SAMD11: variants seen among roughly 807,000 people sequenced by gnomAD.
SAMD11 encodes the protein sterile alpha motif domain containing 11.
In SAMD11, 77 loss-of-function variants were observed where a neutral mutation model predicts 64.4. The ratio of observed to expected loss-of-function variants is 1.20; its 90% CI spans 0.99 to 1.44. The LOEUF is 1.44. SAMD11 is among the 40% of genes most tolerant of loss of function. The pLI is 0.00. For missense variants in SAMD11, 1,402 were observed against 943.3 expected (o/e 1.49, Z -6.37); for synonymous variants, 658 against 421.9 (o/e 1.56, Z -6.86).
chr1:935,986 G>A (rs1470546253), intron 5 of SAMD11, 90 bp downstream of exon 5: 10 of 1,404,880 alleles, frequency 7.1e-6, no homozygotes, highest in Non-Finnish European at 9.7e-6. Context: ...GCCTTGGCAG[G>A]CAGCCAGAGA....
In SAMD11 at chr1:926,225, C is replaced by T. The variant is rs116325138; in HGVS notation, c.609+212C>T. On this transcript the variant is annotated intron_variant, in intron 2 of 13. Transcript: ENST00000616016. ...GAGGAGTCCTCGGGCACCCGAGCGC[C>T]CTCCCCGGTGGAGACAGGGGGGCCG... 1.2e-3 allele frequency among the ~76,000 whole-genome samples: 179 copies of T among 152,362 alleles called. No homozygotes were observed. The Middle Eastern group carries it at 0.014, about 12-fold the overall frequency.
Position 942,883 on chromosome 1 carries a change from C to T in SAMD11, c.1878C>T (p.Asp626=), listed in dbSNP as rs760692305. The T allele has an allele frequency of 1.9e-6, 3 of 1,554,840 alleles. No individual in the cohort carries two copies. Among genetic ancestry groups the T allele is most frequent in the South Asian group, 1.2e-5 (1 of 84,436 alleles). Residue 626 remains aspartate, a synonymous_variant, in exon 11 of 14, where the codon GAC becomes GAT. Transcript: ENST00000616016. The stretch of plus-strand genomic sequence containing the variant: ...TCTGGGCACAAGATGGCTCGGAAGA[C>T]GAGCCCCCCAAAGACTCGGACGGAG... ...ARLWAQDGSE[D]EPPKDSDGED...
Position 939,398 on chromosome 1 carries a change from G to GC in SAMD11, c.1183dup (p.Leu395ProfsTer223), listed in dbSNP as rs1557607453. On this transcript the variant is annotated frameshift_variant, in exon 7 of 14. Transcript: ENST00000616016. LOFTEE classifies it high-confidence loss of function. ...GACCCTCAGCGCCTCTACCACCTGG[G>GC]CCTCCCCAGCCACGGTGAGGACCCA... 6.3e-7 allele frequency: 1 copy of GC among 1,590,872 alleles called. No homozygotes were observed.
chr1:944,252 T>G lies in SAMD11; in HGVS notation c.*99T>G. 1 of 1,455,604 alleles carries G rather than the reference T, an allele frequency of 6.9e-7. No homozygotes were observed. Among genetic ancestry groups the G allele is most frequent in the Non-Finnish European group, 9.0e-7 (1 of 1,105,406 alleles). 90.2% of individuals were successfully genotyped at this position (1,455,604 alleles called of 1,614,324 possible). A position where few individuals can be genotyped will look rare whatever the true frequency, so the allele number is the denominator to read the frequency against. Reference sequence around the variant, plus strand: ...CCGCTTTATTTCTTTCGGTTTCGGATGCAAAACAAAAAATTTTAAAAGAAA... The same window carrying G: ...CCGCTTTATTTCTTTCGGTTTCGGAGGCAAAACAAAAAATTTTAAAAGAAA... On this transcript the variant is annotated 3_prime_UTR_variant, in exon 14 of 14. Coordinates refer to ENST00000616016, the MANE Select transcript of SAMD11 (RefSeq NM_001385641.1).
intron 1 of SAMD11, chr1:925,685 G>A: frequency 2.2e-6 from 1 of 452,906 alleles, no homozygotes; most frequent in Middle Eastern, 6.3e-4. Context: ...GGGTGGGGAC[G>A]CCCAGGCCCT....
intron 7 of SAMD11, among the ~76,000 whole-genome samples, chr1:939,712 G>A (rs140755109): frequency 6.6e-6 from 1 of 151,202 alleles, no homozygotes; most frequent in East Asian, 1.9e-4. Context: ...GTGGGCAGTG[G>A]GCATGTCAGC....
chr1:935,990 C>A, intron 5 of SAMD11, 94 bp downstream of exon 5: 1 of 1,360,692 alleles, frequency 7.3e-7, no homozygotes, highest in Non-Finnish European at 1.0e-6. Context: ...TGGCAGGCAG[C>A]CAGAGAGGCA....
At chr1:935,089 C>T (rs921459681) in intron 4 of SAMD11, among the ~76,000 whole-genome samples, 1 of 152,086 alleles carries the variant, frequency 6.6e-6, no homozygotes, top group African/African-American at 2.4e-5. Context: ...CGTCTCATTG[C>T]TCTCTGGGAC....
At chr1:941,580 G>A (rs1641768766) in intron 8 of SAMD11, among the ~76,000 whole-genome samples, 1 of 152,104 alleles carries the variant, frequency 6.6e-6, no homozygotes, top group Non-Finnish European at 1.5e-5. Context: ...GGGTCAGTCG[G>A]GAGGGGTCGG....
chr1:943,839 C>T (rs1207648140), intron 13 of SAMD11, 31 bp downstream of exon 13: 2 of 1,612,970 alleles, frequency 1.2e-6, no homozygotes, highest in Non-Finnish European at 1.7e-6. Flanking sequence ...GTCAGGGTCT[C>T]CAGACCACAG....
At chr1:933,222 G>A (rs1309388323) in intron 4 of SAMD11, among the ~76,000 whole-genome samples, 1 of 152,220 alleles carries the variant, frequency 6.6e-6, no homozygotes, top group Non-Finnish European at 1.5e-5. Flanking sequence ...ACTCTGGGAC[G>A]TCCAGGGCGT....
chr1:942,571 C>G lies in SAMD11; in HGVS notation c.1566C>G (p.Pro522=). The change falls in exon 11 of 14, where the codon CCC becomes CCG. Residue 522 remains proline (P), a synonymous_variant. Coordinates refer to ENST00000616016, the MANE Select transcript of SAMD11 (RefSeq NM_001385641.1). ...RKQNLARLEL[P]ADLLRQKELE... is the part of the protein sequence containing the mutation. ...GCCCCCGGCCCAGGCTGGAGCTGCC[C>G]GCCGACCTCCTGCGGCAGAAGGAGC... is the stretch of plus-strand genomic sequence containing the variant. 2 of 1,405,044 alleles carry G rather than the reference C, an allele frequency of 1.4e-6. No homozygotes were observed. The highest frequency in any genetic ancestry group is 1.8e-6 in the Non-Finnish European group (2 of 1,088,636). 87.0% of individuals were successfully genotyped at this position (1,405,044 alleles called of 1,614,324 possible). A position where few individuals can be genotyped will look rare whatever the true frequency, so the allele number is the denominator to read the frequency against.
intron 1 of SAMD11, among the ~76,000 whole-genome samples, chr1:925,539 G>C (rs926983607): frequency 3.3e-5 from 5 of 152,172 alleles, no homozygotes; most frequent in Non-Finnish European, 7.4e-5. Context: ...GTGGTTCCGC[G>C]GTGGCCGCCT....
Position 944,002 on chromosome 1 carries a change from T to G in SAMD11, c.2384T>G (p.Leu795Arg), listed in dbSNP as rs372782862. ...PPTLRAPERE[L>R]GTGEQPLSPT... ...ACCCTGCGGGCCCCGGAGCGAGAACTCGGCACAGGAGAGCAGCCCTTGTCC... is the reference window on the plus strand; with the variant it reads ...ACCCTGCGGGCCCCGGAGCGAGAACGCGGCACAGGAGAGCAGCCCTTGTCC... The change falls in exon 14 of 14, where the codon CTC becomes CGC. Residue 795 changes from leucine to arginine, a missense_variant. Transcript: ENST00000616016. 5.0e-6 allele frequency: 8 copies of G among 1,612,838 alleles called. No homozygotes were observed. In the South Asian group the frequency reaches 7.7e-5, roughly 15 times the overall value.
Position 942,655 on chromosome 1 carries a change from C to A in SAMD11, c.1650C>A (p.Gly550=). ...APETALRPND[G]AEELQRRGAL... ...AGACCGCCCTGCGCCCCAACGACGG[C>A]GCCGAGGAGCTGCAGCGGCGCGGGG... is the stretch of plus-strand genomic sequence containing the variant. The change falls in exon 11 of 14, where the codon GGC becomes GGA. Residue 550 remains glycine (G), a synonymous_variant. Coordinates refer to ENST00000616016, the MANE Select transcript of SAMD11 (RefSeq NM_001385641.1). The A allele has an allele frequency of 1.4e-6, 2 of 1,434,988 alleles. No homozygotes were observed. Among genetic ancestry groups the A allele is most frequent in the South Asian group, 1.4e-5 (1 of 71,924 alleles). 88.9% of individuals were successfully genotyped at this position (1,434,988 alleles called of 1,614,324 possible). A position where few individuals can be genotyped will look rare whatever the true frequency, so the allele number is the denominator to read the frequency against.
In SAMD11 at chr1:935,792, C is replaced by G. The variant is rs753652680; in HGVS notation, c.863C>G (p.Thr288Ser). 80 of 1,613,318 alleles carry G rather than the reference C, an allele frequency of 5.0e-5. No individual in the cohort carries two copies. The highest frequency in any genetic ancestry group is 1.5e-4 in the Admixed American group (9 of 60,000). ...ASCSQDGNLP[T>S]LISSVHRSRH... Reference sequence around the variant, plus strand: ...TGCAGCCAGGACGGCAACCTTCCCACCCTCATATCCAGCGTCCACCGCAGC... The same window carrying G: ...TGCAGCCAGGACGGCAACCTTCCCAGCCTCATATCCAGCGTCCACCGCAGC... Residue 288 changes from threonine to serine, a missense_variant, in exon 5 of 14, where the codon ACC becomes AGC. Physicochemically the swap from Thr to Ser is moderately conservative, Grantham distance 58. Coordinates refer to ENST00000616016, the MANE Select transcript of SAMD11 (RefSeq NM_001385641.1).
chr1:933,648 C>T (rs1291867404), intron 4 of SAMD11, among the ~76,000 whole-genome samples: 3 of 152,216 alleles, frequency 2.0e-5, no homozygotes, highest in African/African-American at 7.2e-5. Flanking sequence ...CTCCTGACAC[C>T]CCCGCGTCGA....
At chr1:941,402 CTG>C (rs1448271528) in intron 8 of SAMD11, 96 bp downstream of exon 8, 3 of 1,232,328 alleles carry the variant, frequency 2.4e-6, no homozygotes, top group East Asian at 2.6e-5. Flanking sequence ...GTGCCAAGCA[CTG>C]TGTTCAGCTC....
intron 2 of SAMD11, among the ~76,000 whole-genome samples, chr1:928,032 C>T (rs1640975864): frequency 6.6e-6 from 1 of 152,256 alleles, no homozygotes; most frequent in Admixed American, 6.5e-5. Context: ...CTGGTCCTTG[C>T]TTCCCTCTCT....
Sources: allele counts gnomAD v4.1 joint callset (sites outside exome capture counted in the v4.1 genomes callset), GRCh38; gene constraint gnomAD v4.1.1; transcripts MANE v1.5; gene names NCBI Gene and HGNC (gene_info 2026-07-23, HGNC 2026-07-21).